Variants in XKR9 observed in about 807,000 individuals in gnomAD.
XKR9 encodes the protein XK-related protein 9.
A neutral mutation model predicts 32.0 loss-of-function variants in XKR9; 32 were observed. The ratio of observed to expected loss-of-function variants is 1.00; its 90% confidence interval spans 0.76 to 1.34. The LOEUF (loss-of-function observed/expected upper bound fraction) is 1.34. Among genes scored for constraint, XKR9 ranks in the 40% most tolerant of loss-of-function variants. The probability of loss-of-function intolerance (pLI) is 0.00; values close to 1 mark genes in which losing one functional copy is unlikely to be tolerated. For synonymous variants in XKR9, 168 were observed against 143.4 expected (o/e 1.17, Z -1.22); for missense variants, 546 against 429.7 (o/e 1.27, Z -2.39).
chr8:70,907,226 C>A, the XKR9 span, among the ~76,000 whole-genome samples: 2 of 152,290 alleles, frequency 1.3e-5, no homozygotes, highest in South Asian at 4.1e-4. Context: ...TGGACTATTT[C>A]ATCTCTGCTC....
intron 4 of XKR9, among the ~76,000 whole-genome samples, chr8:70,732,205 G>A (rs553278308): frequency 6.6e-5 from 10 of 152,284 alleles, no homozygotes; most frequent in African/African-American, 1.9e-4. Flanking sequence ...TGGGGCTACC[G>A]AACCATTTGG....
the XKR9 span, among the ~76,000 whole-genome samples, chr8:71,024,154 C>A: frequency 1.3e-5 from 2 of 152,136 alleles, no homozygotes; most frequent in African/African-American, 2.4e-5. Flanking sequence ...GGTGACAGTG[C>A]AGTAATGGCA....
At chr8:71,021,001 TCTG>T in the XKR9 span, among the ~76,000 whole-genome samples, 1 of 152,194 alleles carries the variant, frequency 6.6e-6, no homozygotes, top group Non-Finnish European at 1.5e-5. Flanking sequence ...GGTGCTGGCA[TCTG>T]CTTGACTTCT....
the XKR9 span, among the ~76,000 whole-genome samples, chr8:70,823,686 G>A: frequency 6.6e-6 from 1 of 152,160 alleles, no homozygotes; most frequent in Non-Finnish European, 1.5e-5. Context: ...TCAGGTAAAG[G>A]TAATGGATTT....
intron 2 of XKR9, among the ~76,000 whole-genome samples, chr8:70,764,786 G>A (rs964701830): frequency 6.6e-5 from 10 of 151,880 alleles, no homozygotes; most frequent in South Asian, 2.1e-4. Context: ...GTTCCTCTCC[G>A]TGTGTCCATG....
chr8:70,892,773 T>A, the XKR9 span, among the ~76,000 whole-genome samples: 1 of 152,178 alleles, frequency 6.6e-6, no homozygotes, highest in African/African-American at 2.4e-5. Flanking sequence ...ATTCTCACTT[T>A]GTTTTTGACT....
At chr8:70,680,302 T>G (rs1483188009) in intron 2 of XKR9, among the ~76,000 whole-genome samples, 1 of 152,128 alleles carries the variant, frequency 6.6e-6, no homozygotes, top group Non-Finnish European at 1.5e-5. Flanking sequence ...TTTCAATATT[T>G]CGCTCTTATA....
At chr8:70,982,968 C>T in the XKR9 span, among the ~76,000 whole-genome samples, 3 of 152,134 alleles carry the variant, frequency 2.0e-5, no homozygotes, top group Non-Finnish European at 2.9e-5. Context: ...ACAGCCTGCA[C>T]GTTAGGTTGT....
chr8:71,002,232 G>T, the XKR9 span, among the ~76,000 whole-genome samples: 1 of 151,742 alleles, frequency 6.6e-6, no homozygotes, highest in Non-Finnish European at 1.5e-5. Context: ...CTGGGTCAGT[G>T]GTCAAATTGT....
At chr8:70,834,455 A>G in the XKR9 span, among the ~76,000 whole-genome samples, 1 of 152,278 alleles carries the variant, frequency 6.6e-6, no homozygotes, top group South Asian at 2.1e-4. Context: ...GCTACTGCTA[A>G]TCTATGATTC....
the XKR9 span, among the ~76,000 whole-genome samples, chr8:70,992,625 G>T: frequency 0.026 from 3,889 of 152,244 alleles, 163 homozygotes; most frequent in African/African-American, 0.088. Flanking sequence ...TGTTTATAGG[G>T]GACAATAGAA....
the XKR9 span, among the ~76,000 whole-genome samples, chr8:70,918,278 A>G: frequency 6.6e-6 from 1 of 152,202 alleles, no homozygotes; most frequent in Non-Finnish European, 1.5e-5. Context: ...AAGGAACCCA[A>G]CAAAGATGGG....
At chr8:71,012,682 A>T in the XKR9 span, among the ~76,000 whole-genome samples, 29 of 152,028 alleles carry the variant, frequency 1.9e-4, no homozygotes, top group African/African-American at 6.8e-4. Context: ...TTTTTTTCTC[A>T]TCTAGTCCTC....
intron 2 of XKR9, among the ~76,000 whole-genome samples, chr8:70,775,125 G>T (rs766727033): frequency 6.6e-6 from 1 of 151,852 alleles, no homozygotes; most frequent in Admixed American, 6.6e-5. Context: ...TCTTCTAATT[G>T]TTTATGCTGG....
the XKR9 span, among the ~76,000 whole-genome samples, chr8:70,850,478 AAAAAAAG>A: frequency 7.7e-6 from 1 of 129,316 alleles, no homozygotes; most frequent in African/African-American, 2.8e-5. Context: ...AAAAAAAAAA[AAAAAAAG>A]AAAGAAAATT....
At chr8:70,705,358 A>C (rs1805684195) in intron 3 of XKR9, among the ~76,000 whole-genome samples, 1 of 152,244 alleles carries the variant, frequency 6.6e-6, no homozygotes, top group African/African-American at 2.4e-5. Context: ...CTAGGTGGTG[A>C]TAAGTACTTC....
At chr8:71,056,380 A>T in the XKR9 span, among the ~76,000 whole-genome samples, 2 of 152,152 alleles carry the variant, frequency 1.3e-5, no homozygotes, top group African/African-American at 2.4e-5. Flanking sequence ...GGAATAAAAA[A>T]CTTCAGCATG....
chr8:70,759,504 C>G (rs927452449), intron 2 of XKR9, among the ~76,000 whole-genome samples: 1 of 152,080 alleles, frequency 6.6e-6, no homozygotes, highest in Non-Finnish European at 1.5e-5. Flanking sequence ...TCATGTTTGA[C>G]CTTGTCATTT....
rs1453310243 is a variant in XKR9 at position 70,782,963 on chromosome 8, G to C, written n.353-6376G>C. ...CTCAGAAGTGGGATTGCTGGATCAT[G>C]GTAAATCTATTTTTAGTTTTTTGAG... On this transcript the variant is annotated intron_variant and non_coding_transcript_variant, in intron 2 of 3. Transcript: ENST00000520273. 2.6e-5 allele frequency among the ~76,000 whole-genome samples: 4 copies of C among 152,056 alleles called. No individual in the cohort carries two copies. The South Asian group carries it at 6.2e-4, about 24-fold the overall frequency.
Sources: gnomAD v4.1 joint callset for allele counts (sites outside exome capture counted in the v4.1 genomes callset) on GRCh38, gnomAD v4.1.1 for gene constraint, MANE v1.5 for transcripts, NCBI Gene and HGNC (gene_info 2026-07-23, HGNC 2026-07-21) for gene names.